TP63: variants seen among roughly 807,000 people sequenced by gnomAD.
TP63 encodes the protein tumor protein p63, also known as tumor protein 63.
A neutral mutation model predicts 82.8 loss-of-function variants in TP63; 17 were observed. That is an observed-to-expected ratio of 0.21 (90% CI 0.14 to 0.31). The LOEUF (loss-of-function observed/expected upper bound fraction) is 0.31, where lower values mean the gene tolerates loss of function less well. Among genes scored for constraint, TP63 ranks in the 10% least tolerant of loss-of-function variants. The probability of loss-of-function intolerance (pLI) is 1.00; values close to 1 mark genes in which losing one functional copy is unlikely to be tolerated. For missense variants in TP63, 648 were observed against 895.3 expected, an observed-to-expected ratio of 0.72 and a Z score of 3.52; for synonymous variants, 330 against 321.7, an observed-to-expected ratio of 1.03 and a Z score of -0.28.
At chr3:189,642,420 A>G (rs1711972125) in intron 1 of TP63, among the ~76,000 whole-genome samples, 1 of 152,206 alleles carries the variant, frequency 6.6e-6, no homozygotes, top group Admixed American at 6.5e-5. Flanking sequence ...AGTTACTAGT[A>G]TTATTTCTTT....
intron 4 of TP63, among the ~76,000 whole-genome samples, chr3:189,846,236 T>C (rs916890808): frequency 4.6e-5 from 7 of 152,170 alleles, no homozygotes; most frequent in Non-Finnish European, 8.8e-5. Flanking sequence ...TTTAAGCAGC[T>C]CACCCCTCGA....
the TP63 span, among the ~76,000 whole-genome samples, chr3:189,619,201 T>G: frequency 6.6e-6 from 1 of 152,180 alleles, no homozygotes; most frequent in Non-Finnish European, 1.5e-5. Context: ...AAATTAGCAC[T>G]GTCTGGGACC....
chr3:189,875,613 T>TATATACAC (rs1553859703), intron 10 of TP63, among the ~76,000 whole-genome samples: 5 of 105,506 alleles, frequency 4.7e-5, no homozygotes, highest in African/African-American at 1.6e-4. Flanking sequence ...TATATATATA[T>TATATACAC]ATATATATAT....
intron 3 of TP63, among the ~76,000 whole-genome samples, chr3:189,750,346 A>T (rs897794508): frequency 5.9e-5 from 9 of 152,106 alleles, no homozygotes; most frequent in Admixed American, 3.3e-4. Flanking sequence ...TGATGAAAAG[A>T]GGTTGGTCAA....
intron 3 of TP63, among the ~76,000 whole-genome samples, chr3:189,771,361 A>T (rs1723354065): frequency 7.4e-6 from 1 of 135,940 alleles, no homozygotes; most frequent in Admixed American, 8.0e-5. Context: ...TATTAAATAT[A>T]TAATATATTC....
intron 4 of TP63, among the ~76,000 whole-genome samples, chr3:189,836,902 C>T (rs920429484): frequency 6.6e-6 from 1 of 152,180 alleles, no homozygotes; most frequent in African/African-American, 2.4e-5. Flanking sequence ...TTATATTTTT[C>T]AAAACACACA....
intron 1 of TP63, among the ~76,000 whole-genome samples, chr3:189,662,344 G>C (rs1167554890): frequency 6.6e-6 from 1 of 151,986 alleles, no homozygotes; most frequent in Non-Finnish European, 1.5e-5. Flanking sequence ...TCAGTAGCAA[G>C]TTGTTTAATT....
At position 189,868,561 on chromosome 3, in the gene TP63, C is replaced by A. The variant is rs1259103232; in HGVS notation, c.993-19C>A. 1 of 1,613,554 alleles carries A rather than the reference C, an allele frequency of 6.2e-7. No individual in the cohort carries two copies. The highest frequency in any genetic ancestry group is 1.3e-5 in the African/African-American group (1 of 74,888). ...TGCTTTGAATTTAACTCTTTCTTCC[C>A]CTTTATTCTAATTCCTAGTGGGCAA... On this transcript the variant is annotated intron_variant, in intron 7 of 13. Transcript: ENST00000264731.
chr3:189,611,284 A>G, the TP63 span, among the ~76,000 whole-genome samples: 3 of 152,156 alleles, frequency 2.0e-5, no homozygotes, highest in Non-Finnish European at 4.4e-5. Flanking sequence ...TGGGTTTTAC[A>G]TTGAAGCCTT....
intron 10 of TP63, among the ~76,000 whole-genome samples, chr3:189,876,293 C>A (rs1357288357): frequency 1.3e-5 from 2 of 152,130 alleles, no homozygotes; most frequent in Non-Finnish European, 2.9e-5. Context: ...AAATACATAA[C>A]CCTCTTTTTC....
chr3:189,682,320 TAA>T (rs1288062668), intron 1 of TP63, among the ~76,000 whole-genome samples: 2 of 149,848 alleles, frequency 1.3e-5, no homozygotes, highest in African/African-American at 4.9e-5. Flanking sequence ...AAATTAATAA[TAA>T]ACTTCCATTT....
At chr3:189,815,019 A>G (rs1389679790) in intron 4 of TP63, among the ~76,000 whole-genome samples, 1 of 152,012 alleles carries the variant, frequency 6.6e-6, no homozygotes, top group Non-Finnish European at 1.5e-5. Flanking sequence ...TAACAGCAAA[A>G]ATCCTCTGCT....
At chr3:189,662,676 C>G (rs991373360) in intron 1 of TP63, among the ~76,000 whole-genome samples, 1 of 151,910 alleles carries the variant, frequency 6.6e-6, no homozygotes, top group Non-Finnish European at 1.5e-5. Flanking sequence ...TACAGTATTT[C>G]AATTCCTTAA....
At chr3:189,854,291 C>T (rs982780568) in intron 4 of TP63, among the ~76,000 whole-genome samples, 4 of 152,172 alleles carry the variant, frequency 2.6e-5, no homozygotes, top group South Asian at 2.1e-4. Flanking sequence ...AGTGCAATGG[C>T]GCAATCTCAG....
intron 12 of TP63, 45 bp downstream of exon 12, chr3:189,889,529 C>T (rs368763333): frequency 5.6e-6 from 9 of 1,613,622 alleles, no homozygotes; most frequent in Admixed American, 1.7e-5. Context: ...CTAAGCATCC[C>T]GGGATGGTGG....
At chr3:189,652,220 G>T (rs752106213) in intron 1 of TP63, among the ~76,000 whole-genome samples, 5 of 146,874 alleles carry the variant, frequency 3.4e-5, no homozygotes, top group Non-Finnish European at 5.9e-5. Context: ...GCAGCCAGGA[G>T]GGGGGCTGTA....
In TP63 at chr3:189,745,688, CAA is replaced by C. The variant is rs1339825275; in HGVS notation, c.324+6915_324+6916del. 1.2e-4 allele frequency among the ~76,000 whole-genome samples: 11 copies of C among 92,318 alleles called. No individual in the cohort carries two copies. The South Asian group carries it at 4.3e-3, about 36-fold the overall frequency. The allele number at this position is 92,318 out of a possible 152,430, so 60.6% of individuals were successfully genotyped here. A position where few individuals can be genotyped will look rare whatever the true frequency, so the allele number is the denominator to read the frequency against. ...CACCATTGCACTCCAGCCTGGGTGA[CAA>C]GAGCAGAAACTCCATCTCAAAAAAA... On this transcript the variant is annotated intron_variant, in intron 3 of 13. Transcript: ENST00000264731.
intron 1 of TP63, among the ~76,000 whole-genome samples, chr3:189,706,629 T>G (rs1163374622): frequency 6.6e-6 from 1 of 152,190 alleles, no homozygotes; most frequent in Non-Finnish European, 1.5e-5. Context: ...CTGCATCTTG[T>G]GACATCCAGC....
rs1430300591 is a variant in TP63 at position 189,757,520 on chromosome 3, G to C, written c.324+18746G>C. ...CACTGCCTGTGGCCAGTCCTCAGTG[G>C]AAATGGTTGTTGCTGTTAGTCTTTA... is the stretch of plus-strand genomic sequence containing the variant. On this transcript the variant is annotated intron_variant, in intron 3 of 13. Transcript: ENST00000264731. 2.0e-5 allele frequency among the ~76,000 whole-genome samples: 3 copies of C among 152,206 alleles called. No individual in the cohort carries two copies. The East Asian group carries it at 5.8e-4, about 29-fold the overall frequency.
Sources: allele counts gnomAD v4.1 joint callset (sites outside exome capture counted in the v4.1 genomes callset), GRCh38; gene constraint gnomAD v4.1.1; transcripts MANE v1.5; gene names NCBI Gene and HGNC (gene_info 2026-07-23, HGNC 2026-07-21).